TEX15: variants seen among roughly 807,000 people sequenced by gnomAD.
The protein encoded by TEX15 is testis expressed 15, meiosis and synapsis associated, also known as testis-expressed protein 15.
A neutral mutation model predicts 237.3 loss-of-function variants in TEX15; 171 were observed. The ratio of observed to expected loss-of-function variants is 0.72; its 90% CI spans 0.64 to 0.82. TEX15 has a LOEUF of 0.82. Ranked by LOEUF, TEX15 falls within the 40% of genes least tolerant of loss-of-function variation. The pLI is 0.00. For missense variants in TEX15, 3,750 were observed against 3,646.5 expected (o/e 1.03, Z -0.73); for synonymous variants, 1,338 against 1,269.8 (o/e 1.05, Z -1.14).
chr8:30,874,758 A>G (rs938537926), intron 4 of TEX15, among the ~76,000 whole-genome samples, 179 bp downstream of exon 4: 8 of 152,158 alleles, frequency 5.3e-5, no homozygotes, highest in Non-Finnish European at 1.2e-4. Context: ...ACATAAAACT[A>G]ATCAAATCTC....
At chr8:30,907,604 T>C (rs1809132757) in intron 1 of TEX15, among the ~76,000 whole-genome samples, 1 of 144,632 alleles carries the variant, frequency 6.9e-6, no homozygotes, top group Non-Finnish European at 1.5e-5. Flanking sequence ...TATTTAATTA[T>C]ATAATTACAT....
chr8:30,851,281 G>A (rs902950775), intron 7 of TEX15, among the ~76,000 whole-genome samples: 3 of 152,168 alleles, frequency 2.0e-5, no homozygotes, highest in Non-Finnish European at 2.9e-5. Flanking sequence ...ATGAGCATAC[G>A]TTATAACAAA....
intron 1 of TEX15, among the ~76,000 whole-genome samples, chr8:30,906,317 G>A (rs965756407): frequency 3.0e-4 from 45 of 152,132 alleles, no homozygotes; most frequent in Non-Finnish European, 2.4e-4. Flanking sequence ...TGGGCGCAGT[G>A]GCTCACGCCT....
intron 7 of TEX15, among the ~76,000 whole-genome samples, chr8:30,852,058 T>C (rs1359010999): frequency 6.6e-6 from 1 of 151,514 alleles, no homozygotes; most frequent in Non-Finnish European, 1.5e-5. Context: ...TTAACATGGA[T>C]GCCAGGTCCT....
chr8:30,839,870 A>C (rs778119050), intron 9 of TEX15, 36 bp downstream of exon 9: 1 of 1,505,276 alleles, frequency 6.6e-7, no homozygotes, highest in East Asian at 2.3e-5. Flanking sequence ...ATTTTGTTCA[A>C]TTTTTTTTCC....
At chr8:30,835,577 A>G (rs184740800) in intron 10 of TEX15, among the ~76,000 whole-genome samples, 87 of 152,272 alleles carry the variant, frequency 5.7e-4, no homozygotes, top group African/African-American at 2.1e-3. Context: ...CTGCCTTAAA[A>G]AAGAATTATC....
At chr8:30,851,912 T>A (rs1432769330) in intron 7 of TEX15, among the ~76,000 whole-genome samples, 1 of 151,868 alleles carries the variant, frequency 6.6e-6, no homozygotes, top group Admixed American at 6.6e-5. Context: ...CCAACCTGGG[T>A]GACAGAGCAA....
chr8:30,870,440 CTG>C (rs1808268130), intron 4 of TEX15, among the ~76,000 whole-genome samples: 1 of 151,832 alleles, frequency 6.6e-6, no homozygotes. Context: ...AAATAAAACT[CTG>C]GGAAGTATTT....
At chr8:30,883,902 T>G (rs1419829798) in intron 3 of TEX15, among the ~76,000 whole-genome samples, 1 of 152,228 alleles carries the variant, frequency 6.6e-6, no homozygotes, top group Non-Finnish European at 1.5e-5. Flanking sequence ...TATTTCTGGT[T>G]CTGATCCTTG....
chr8:30,848,880 T>C lies in TEX15; in HGVS notation c.1287A>G (p.Lys429=), dbSNP rs760492679. Residue 429 remains lysine (K), a synonymous_variant, in exon 8 of 11, where the codon AAA becomes AAG. Transcript: ENST00000643185. ...NTGSSTVTTS[K]SIKDPRLMRR... is the part of the protein sequence containing the mutation. ...TCATCAGTCTTGGGTCTTTGATGGA[T>C]TTTGAAGTAGTGACTGTGCTTGAGC... The C allele has an allele frequency of 9.3e-6, 15 of 1,614,182 alleles. No homozygotes were observed. The Middle Eastern group carries it at 4.9e-4, about 53-fold the overall frequency.
intron 7 of TEX15, among the ~76,000 whole-genome samples, chr8:30,854,599 C>T (rs1032229734): frequency 1.3e-5 from 2 of 151,818 alleles, no homozygotes; most frequent in African/African-American, 4.8e-5. Context: ...ATATATTATT[C>T]CAAAAAATAA....
intron 3 of TEX15, among the ~76,000 whole-genome samples, chr8:30,879,100 C>A (rs1808464543): frequency 1.3e-5 from 2 of 150,664 alleles, no homozygotes; most frequent in Non-Finnish European, 3.0e-5. Context: ...CTATTCATGT[C>A]TTTTTCTTGT....
intron 7 of TEX15, among the ~76,000 whole-genome samples, chr8:30,855,607 G>A (rs1326419553): frequency 6.6e-6 from 1 of 152,122 alleles, no homozygotes; most frequent in Non-Finnish European, 1.5e-5. Context: ...GTACTCAAGA[G>A]CAATGAAAAC....
chr8:30,893,250 G>A (rs972813695), intron 2 of TEX15, among the ~76,000 whole-genome samples: 1 of 152,188 alleles, frequency 6.6e-6, no homozygotes, highest in Non-Finnish European at 1.5e-5. Flanking sequence ...AGGAAGGGCA[G>A]AATCTGGAAT....
At chr8:30,880,185 C>A (rs964388600) in intron 3 of TEX15, among the ~76,000 whole-genome samples, 1 of 151,162 alleles carries the variant, frequency 6.6e-6, no homozygotes, top group Non-Finnish European at 1.5e-5. Flanking sequence ...CCCACCACCA[C>A]GCCTAGCTAA....
chr8:30,847,642 T>A lies in TEX15; in HGVS notation c.2525A>T (p.Asn842Ile). ...DRGQDHNLFC[N>I]SQLSNDIWLN... ...CCATATATCATTGCTTAACTGTGAA[T>A]TACAGAACAGATTGTGATCCTGACC... Residue 842 changes from asparagine to isoleucine, a missense_variant, in exon 8 of 11, where the codon AAT (asparagine) becomes ATT (isoleucine). Asn to Ile is a moderately radical substitution (Grantham distance 149, BLOSUM62 -3). Coordinates refer to ENST00000643185, the MANE Select transcript of TEX15 (RefSeq NM_001350162.2). 6.2e-7 allele frequency: 1 copy of A among 1,613,796 alleles called. No homozygotes were observed. The highest frequency in any genetic ancestry group is 8.5e-7 in the Non-Finnish European group (1 of 1,179,892).
intron 7 of TEX15, among the ~76,000 whole-genome samples, chr8:30,849,659 T>C (rs1034987505): frequency 6.6e-6 from 1 of 152,040 alleles, no homozygotes; most frequent in Non-Finnish European, 1.5e-5. Context: ...TTCCATTACT[T>C]TGAGAAGCCA....
intron 9 of TEX15, among the ~76,000 whole-genome samples, chr8:30,838,799 T>G: frequency 8.1e-6 from 1 of 122,996 alleles, no homozygotes; most frequent in Non-Finnish European, 1.7e-5. Context: ...TATATATATA[T>G]ATATATATAT....
intron 2 of TEX15, among the ~76,000 whole-genome samples, chr8:30,893,461 A>G (rs1403890194): frequency 6.6e-6 from 1 of 152,136 alleles, no homozygotes; most frequent in Non-Finnish European, 1.5e-5. Context: ...TTCCCATCTG[A>G]TTCTTATGCT....
Sources: allele counts gnomAD v4.1 joint callset (sites outside exome capture counted in the v4.1 genomes callset), GRCh38; gene constraint gnomAD v4.1.1; transcripts MANE v1.5; gene names NCBI Gene and HGNC (gene_info 2026-07-23, HGNC 2026-07-21).